Variants in EXT2 observed in about 807,000 individuals in gnomAD.
The protein encoded by EXT2 is exostosin-2.
A neutral mutation model predicts 81.6 loss-of-function variants in EXT2; 53 were observed. The observed-to-expected ratio is 0.65, with a 90% CI of 0.52 to 0.82. EXT2 has a LOEUF of 0.82. EXT2 is among the 40% of genes least tolerant of loss of function. EXT2 has a pLI of 0.00. For missense variants in EXT2, 774 were observed against 910.2 expected (o/e 0.85, Z 1.93); for synonymous variants, 320 against 340.0 (o/e 0.94, Z 0.65).
chr11:44,151,191 C>T (rs1954787174), intron 7 of EXT2, among the ~76,000 whole-genome samples: 1 of 152,152 alleles, frequency 6.6e-6, no homozygotes, highest in Non-Finnish European at 1.5e-5. Context: ...ATTTACTGAA[C>T]ACCATAGTGG....
At position 44,251,538 on chromosome 11, in the gene EXT2, T is replaced by G. The variant is rs1378129469; in HGVS notation, c.*7251T>G. On this transcript the variant is annotated 3_prime_UTR_variant, in exon 14 of 14. Transcript: ENST00000533608. ...CACGACATTGTTTCACACCTTGGGC[T>G]GTGACTATTTACTTCTCGGTACAGA... Among the ~76,000 whole-genome samples the G allele has an allele frequency of 6.6e-6, 1 of 152,214 alleles. No homozygotes were observed. The highest frequency in any genetic ancestry group is 1.5e-5 in the Non-Finnish European group (1 of 68,040).
At chr11:44,114,693 G>A (rs1465889061) in intron 4 of EXT2, among the ~76,000 whole-genome samples, 2 of 152,092 alleles carry the variant, frequency 1.3e-5, no homozygotes, top group East Asian at 1.9e-4. Context: ...TTGCTGAAAC[G>A]GCTTCCTATG....
chr11:44,246,083 C>T lies in EXT2; in HGVS notation c.*1796C>T, dbSNP rs1956091073. On this transcript the variant is annotated 3_prime_UTR_variant, in exon 14 of 14. Transcript: ENST00000533608. ...TCTCATGTATTCATAATATTGGGGA[C>T]GATATGGTAGAAAGCCAGGAAAAAT... Among the ~76,000 whole-genome samples the T allele has an allele frequency of 6.6e-6, 1 of 152,104 alleles. No individual in the cohort carries two copies. Among genetic ancestry groups the T allele is most frequent in the South Asian group, 2.1e-4 (1 of 4,822 alleles).
chr11:44,190,124 A>C (rs1239817999), intron 8 of EXT2, among the ~76,000 whole-genome samples: 4 of 152,194 alleles, frequency 2.6e-5, no homozygotes, highest in African/African-American at 9.6e-5. Context: ...GCCTTGTCCT[A>C]TATCCATTGA....
chr11:44,151,218 C>G (rs1169781131), intron 7 of EXT2, among the ~76,000 whole-genome samples: 1 of 152,162 alleles, frequency 6.6e-6, no homozygotes, highest in African/African-American at 2.4e-5. Context: ...TCTTACAGTT[C>G]ATGAATCTAC....
intron 13 of EXT2, among the ~76,000 whole-genome samples, chr11:44,239,689 CT>C (rs397849292): frequency 0.092 from 7,718 of 83,628 alleles, 97 homozygotes; most frequent in East Asian, 0.16. Context: ...CCCTGCCTGG[CT>C]TTTTTTTTTT....
intron 10 of EXT2, among the ~76,000 whole-genome samples, chr11:44,211,163 T>C (rs143523907): frequency 6.6e-6 from 1 of 152,330 alleles, no homozygotes; most frequent in East Asian, 1.9e-4. Flanking sequence ...TGTATGGCCT[T>C]GTACACTGTC....
chr11:44,133,286 A>C (rs1954520153), intron 7 of EXT2, among the ~76,000 whole-genome samples: 1 of 152,238 alleles, frequency 6.6e-6, no homozygotes, highest in Non-Finnish European at 1.5e-5. Context: ...AGTAATTAAA[A>C]AAATGGTAAA....
At chr11:44,127,902 A>G (rs1028028844) in intron 6 of EXT2, among the ~76,000 whole-genome samples, 1 of 152,232 alleles carries the variant, frequency 6.6e-6, no homozygotes, top group Non-Finnish European at 1.5e-5. Context: ...GTTCCATTCT[A>G]CTGGGTGTTC....
chr11:44,192,941 A>G (rs1955411305), intron 8 of EXT2, among the ~76,000 whole-genome samples: 1 of 152,228 alleles, frequency 6.6e-6, no homozygotes, highest in Non-Finnish European at 1.5e-5. Context: ...ATATCTATAC[A>G]TAAGGGGGAC....
intron 7 of EXT2, among the ~76,000 whole-genome samples, chr11:44,164,696 C>T (rs986920980): frequency 6.6e-6 from 1 of 152,162 alleles, no homozygotes; most frequent in Non-Finnish European, 1.5e-5. Context: ...GCTGTGAAAT[C>T]TGTGTGTTTT....
chr11:44,187,102 A>G (rs1565226989), intron 8 of EXT2, among the ~76,000 whole-genome samples: 3 of 145,912 alleles, frequency 2.1e-5, no homozygotes, highest in South Asian at 2.2e-4. Context: ...CAGCGGCACA[A>G]TCATAGCTCC....
rs1392801406 is a variant in EXT2 at position 44,109,208 on chromosome 11, C to T, written c.551C>T (p.Thr184Met). The T allele has an allele frequency of 5.0e-6, 8 of 1,613,834 alleles. No individual in the cohort carries two copies. Among genetic ancestry groups the T allele is most frequent in the East Asian group, 4.5e-5 (2 of 44,884 alleles). The change falls in exon 3 of 14, where the codon ACG becomes ATG. Residue 184 changes from threonine to methionine, a missense_variant. Around this residue, in one of 2 missense-constraint regions of EXT2, gnomAD observed 626 missense variants for 670.5 expected, o/e 0.93. Coordinates refer to ENST00000533608, the MANE Select transcript of EXT2 (RefSeq NM_207122.2). ...TTTCTTGACAGGTGGGATCGAGGTA[C>T]GAATCACCTGTTGTTCAACATGTTG... The part of the protein sequence containing the change: ...MAQLSRWDRG[T>M]NHLLFNMLPG...
chr11:44,210,421 T>C (rs1046095477), intron 10 of EXT2, among the ~76,000 whole-genome samples: 2 of 152,146 alleles, frequency 1.3e-5, no homozygotes, highest in Non-Finnish European at 2.9e-5. Context: ...TATGATTCCA[T>C]ATATATAAAA....
chr11:44,169,049 A>G (rs1376373534), intron 7 of EXT2, among the ~76,000 whole-genome samples: 1 of 151,946 alleles, frequency 6.6e-6, no homozygotes, highest in Non-Finnish European at 1.5e-5. Context: ...GTGAAACCCC[A>G]TCTCTACTAA....
At chr11:44,104,903 T>C (rs1954033663) in intron 1 of EXT2, 1 of 152,240 alleles carries the variant, frequency 6.6e-6, no homozygotes, top group Non-Finnish European at 1.5e-5. Context: ...TTAGAATATA[T>C]TGAGTGACTG....
At chr11:44,237,124 G>A (rs1184409846) in intron 13 of EXT2, among the ~76,000 whole-genome samples, 6 of 152,098 alleles carry the variant, frequency 3.9e-5, no homozygotes, top group African/African-American at 9.7e-5. Context: ...AGTAGTGCTT[G>A]TCAGGGGACC....
At chr11:44,232,087 A>C (rs1449092893) in intron 10 of EXT2, among the ~76,000 whole-genome samples, 1 of 152,166 alleles carries the variant, frequency 6.6e-6, no homozygotes, top group African/African-American at 2.4e-5. Context: ...CCTTGGCCCA[A>C]CTCAGTAAGC....
intron 7 of EXT2, among the ~76,000 whole-genome samples, chr11:44,136,692 A>G (rs1349058277): frequency 6.6e-6 from 1 of 152,198 alleles, no homozygotes; most frequent in African/African-American, 2.4e-5. Context: ...AAGTATACAT[A>G]AACTGGACTC....
Sources: gnomAD v4.1 joint callset for allele counts (sites outside exome capture counted in the v4.1 genomes callset) on GRCh38, gnomAD v4.1.1 for gene constraint, gnomAD v4.1.1 regional missense constraint, MANE v1.5 for transcripts, NCBI Gene and HGNC (gene_info 2026-07-23, HGNC 2026-07-21) for gene names.